The following SYNRG variants were observed in gnomAD, a reference collection of about 807,000 sequenced individuals.
The protein encoded by SYNRG is synergin gamma, also known as AP1 gamma subunit binding protein 1.
Under a neutral mutation model 130.9 loss-of-function variants are expected in SYNRG, and 37 were observed. The ratio of observed to expected loss-of-function variants is 0.28; its 90% CI spans 0.22 to 0.37. The LOEUF (loss-of-function observed/expected upper bound fraction) is 0.37. SYNRG is among the 10% of genes least tolerant of loss of function. The pLI is 1.00. For synonymous variants in SYNRG, 539 were observed against 568.1 expected (o/e 0.95, Z 0.73); for missense variants, 1,338 against 1,588.9 (o/e 0.84, Z 2.68).
rs1360698265 is a variant in SYNRG at position 37,518,916 on chromosome 17, GTCAATGCT to G, written c.*16_*23del. On this transcript the variant is annotated 3_prime_UTR_variant, in exon 22 of 22. Coordinates refer to ENST00000612223, the MANE Select transcript of SYNRG (RefSeq NM_007247.6). ...CGTGGGGTGTCACAGAAAAAAAAAA[GTCAATGCT>G]TCACAGAGGAGTTGTTCAGAGCAGG... The G allele has an allele frequency of 6.2e-7, 1 of 1,604,430 alleles. No homozygotes were observed. Among genetic ancestry groups the G allele is most frequent in the Non-Finnish European group, 8.5e-7 (1 of 1,175,804 alleles).
intron 6 of SYNRG, chr17:37,579,239 T>TGTGTCCCAGC: frequency 7.8e-7 from 1 of 1,287,030 alleles, no homozygotes; most frequent in Non-Finnish European, 1.0e-6. Flanking sequence ...AGGGAGAGGC[T>TGTGTCCCAGC]GTGTCCCAGC....
In SYNRG at chr17:37,536,023, CT is replaced by C; in HGVS notation, c.3621del (p.Val1208TyrfsTer5). On this transcript the variant is annotated frameshift_variant, in exon 19 of 22. Coordinates refer to ENST00000612223, the MANE Select transcript of SYNRG (RefSeq NM_007247.6). LOFTEE classifies it high-confidence loss of function. The stretch of plus-strand genomic sequence containing the variant: ...ATGAAGCCGATTAGGTTATTCCATA[CT>C]TTATCGATGTCCTTCAGCAACTGCT... ...KLQQLLKDID[K>X]VWNNLIGFMS... The C allele has an allele frequency of 6.2e-7, 1 of 1,614,060 alleles. No individual in the cohort carries two copies. Among genetic ancestry groups the C allele is most frequent in the Non-Finnish European group, 8.5e-7 (1 of 1,179,956 alleles).
At chr17:37,565,102 A>G (rs2059825027) in intron 11 of SYNRG, among the ~76,000 whole-genome samples, 1 of 152,084 alleles carries the variant, frequency 6.6e-6, no homozygotes, top group Non-Finnish European at 1.5e-5. Flanking sequence ...CATCTCTACT[A>G]AAAATACAAA....
chr17:37,533,328 G>C (rs1382523992), intron 19 of SYNRG, among the ~76,000 whole-genome samples: 1 of 149,586 alleles, frequency 6.7e-6, no homozygotes, highest in East Asian at 2.0e-4. Flanking sequence ...TTGAACCCAG[G>C]AGGTGGAGGT....
Position 37,535,542 on chromosome 17 carries a change from G to A in SYNRG, c.3666+437C>T, listed in dbSNP as rs9914221. On this transcript the variant is annotated intron_variant, in intron 19 of 21. Coordinates refer to ENST00000612223, the MANE Select transcript of SYNRG (RefSeq NM_007247.6). ...GATTTGTCTATTCAGAGAACTACTC[G>A]TAACAGGGAAAAATGAAAATGACCC... Among the ~76,000 whole-genome samples, 617 of 152,154 alleles carry A rather than the reference G, an allele frequency of 4.1e-3. 2 individuals carry two copies. Among genetic ancestry groups the A allele is most frequent in the African/African-American group, 0.014 (575 of 41,512 alleles).
chr17:37,585,286 T>C, intron 5 of SYNRG, 39 bp downstream of exon 5: 1 of 1,492,070 alleles, frequency 6.7e-7, no homozygotes, highest in South Asian at 1.2e-5. Flanking sequence ...ACATTCAGGG[T>C]GTGTATGTTC....
chr17:37,522,498 C>T (rs2055226754), intron 19 of SYNRG, among the ~76,000 whole-genome samples: 1 of 151,918 alleles, frequency 6.6e-6, no homozygotes. Context: ...GACAGGGTCT[C>T]ACTCTGTTGC....
intron 14 of SYNRG, among the ~76,000 whole-genome samples, chr17:37,551,155 C>G (rs1416317817): frequency 6.6e-6 from 1 of 152,214 alleles, no homozygotes; most frequent in African/African-American, 2.4e-5. Context: ...ATTTCTCCAA[C>G]AAGAAGTACC....
rs1186662657 is a variant in SYNRG, at chr17:37,520,689, T to C, written c.3667-41A>G. The C allele has an allele frequency of 1.9e-6, 3 of 1,543,936 alleles. No homozygotes were observed. The African/African-American group carries it at 4.1e-5, about 21-fold the overall frequency. ...GACAAATGGGTAAGAAGTCCACAAG[T>C]CCACACGCTGTTCACTTCACTCCCT... On this transcript the variant is annotated intron_variant, in intron 19 of 21. Coordinates refer to ENST00000612223, the MANE Select transcript of SYNRG (RefSeq NM_007247.6).
At chr17:37,606,330 T>G (rs1196663858) in intron 1 of SYNRG, among the ~76,000 whole-genome samples, 1 of 152,206 alleles carries the variant, frequency 6.6e-6, no homozygotes, top group East Asian at 1.9e-4. Flanking sequence ...AATCCACAAA[T>G]ATTTACAGAA....
intron 19 of SYNRG, among the ~76,000 whole-genome samples, chr17:37,531,130 G>A (rs945315464): frequency 6.6e-6 from 1 of 152,182 alleles, no homozygotes; most frequent in African/African-American, 2.4e-5. Flanking sequence ...AGCTGTGGGA[G>A]GTTGAGATGG....
intron 11 of SYNRG, 58 bp downstream of exon 11, chr17:37,568,733 T>C: frequency 5.7e-6 from 9 of 1,579,754 alleles, no homozygotes; most frequent in East Asian, 2.2e-5. Flanking sequence ...CTTCCTATTA[T>C]GGATGCCTCT....
rs758376266 is a variant in SYNRG at position 37,553,867 on chromosome 17, A to G, written c.1856T>C (p.Met619Thr). ...GCTGCTGCAATTAACTGAGGAAAAC[A>G]TATCTAGGTCTGCTAAGTTCAGAGG... Reference protein sequence around the residue: ...KNPLNLADLDMFSSVNCSSEK... With the variant: ...KNPLNLADLDTFSSVNCSSEK... Residue 619 changes from methionine (M) to threonine (T), a missense_variant, in exon 14 of 22, where the codon ATG becomes ACG. Met to Thr is a moderately conservative substitution (Grantham distance 81, BLOSUM62 -1). This residue lies in a region of SYNRG where 1,146 missense variants were observed against 1,342.3 expected (regional missense o/e 0.85). Transcript: ENST00000612223. 4.3e-6 allele frequency: 7 copies of G among 1,612,056 alleles called. No individual in the cohort carries two copies. The highest frequency in any genetic ancestry group is 2.7e-5 in the African/African-American group (2 of 74,758).
rs761495426 is a variant in SYNRG at position 37,561,603 on chromosome 17, T to G, written c.1482-14A>C. 3 of 1,589,026 alleles carry G rather than the reference T, an allele frequency of 1.9e-6. No homozygotes were observed. In the East Asian group the frequency reaches 6.7e-5, roughly 36 times the overall value. On this transcript the variant is annotated splice_polypyrimidine_tract_variant and intron_variant, in intron 11 of 21. Transcript: ENST00000612223. ...AAAGAAGGGGCACTGAAGGAAAAAATAAACATATTTTGATGACATTGAATC... is the reference window on the plus strand; with the variant it reads ...AAAGAAGGGGCACTGAAGGAAAAAAGAAACATATTTTGATGACATTGAATC...
chr17:37,553,340 C>G lies in SYNRG; in HGVS notation c.2383G>C (p.Glu795Gln), dbSNP rs201143882. 9.5e-5 allele frequency: 153 copies of G among 1,614,090 alleles called. No individual in the cohort carries two copies. The highest frequency in any genetic ancestry group is 1.3e-4 in the Non-Finnish European group (150 of 1,180,044). ...SSINSDKSLG[E>Q]KAVAFRHTKE... The stretch of plus-strand genomic sequence containing the variant: ...GTGTGTCTGAAAGCCACTGCTTTCT[C>G]TCCCAGGGATTTGTCCGAGTTTATG... Residue 795 changes from glutamate to glutamine, a missense_variant, in exon 14 of 22, where the codon GAG (glutamate) becomes CAG (glutamine). Transcript: ENST00000612223.
In SYNRG at chr17:37,533,856, C is replaced by T. The variant is rs9747763; in HGVS notation, c.3666+2123G>A. Among the ~76,000 whole-genome samples the T allele has an allele frequency of 1.3e-3, 192 of 148,944 alleles. 2 individuals are homozygous for T. The highest frequency in any genetic ancestry group is 4.6e-3 in the African/African-American group (185 of 40,642). ...CCTCCCAAAGTGCTGGGATTACAGG[C>T]ATCAGCCACTAAGGCCTTCGTTATA... On this transcript the variant is annotated intron_variant, in intron 19 of 21. Transcript: ENST00000612223.
intron 6 of SYNRG, among the ~76,000 whole-genome samples, chr17:37,581,541 G>C (rs780876085): frequency 2.6e-5 from 4 of 152,102 alleles, no homozygotes; most frequent in African/African-American, 9.7e-5. Flanking sequence ...GTCTCCCAAA[G>C]TGTTGGGATT....
chr17:37,557,090 A>G (rs1445649770), intron 13 of SYNRG: 2 of 152,230 alleles, frequency 1.3e-5, no homozygotes, highest in Non-Finnish European at 2.9e-5. Context: ...ATCAGAAGGC[A>G]TATTAAGCAT....
intron 13 of SYNRG, among the ~76,000 whole-genome samples, chr17:37,558,423 T>C (rs768991122): frequency 1.2e-4 from 18 of 152,234 alleles, no homozygotes; most frequent in Non-Finnish European, 2.4e-4. Context: ...ACACATTTCA[T>C]AGCATGCATA....
Sources: gnomAD v4.1 joint callset for allele counts (sites outside exome capture counted in the v4.1 genomes callset) on GRCh38, gnomAD v4.1.1 for gene constraint, gnomAD v4.1.1 regional missense constraint, MANE v1.5 for transcripts, NCBI Gene and HGNC (gene_info 2026-07-23, HGNC 2026-07-21) for gene names.